The following TMTC3 variants were observed in gnomAD, a reference collection of about 807,000 sequenced individuals.
The protein encoded by TMTC3 is transmembrane O-mannosyltransferase targeting cadherins 3.
A neutral mutation model predicts 92.2 loss-of-function variants in TMTC3; 52 were observed. That is an observed-to-expected ratio of 0.56 (90% CI 0.45 to 0.71). TMTC3 has a LOEUF of 0.71. Among genes scored for constraint, TMTC3 ranks in the 30% least tolerant of loss-of-function variants. The probability of loss-of-function intolerance (pLI) is 0.00; values close to 1 mark genes in which losing one functional copy is unlikely to be tolerated. For missense variants in TMTC3, 896 were observed against 1,057.1 expected, an observed-to-expected ratio of 0.85 and a Z score of 2.11; for synonymous variants, 339 against 363.3, an observed-to-expected ratio of 0.93 and a Z score of 0.76.
intron 10 of TMTC3, among the ~76,000 whole-genome samples, chr12:88,186,997 T>C (rs901100185): frequency 3.3e-5 from 5 of 152,088 alleles, no homozygotes; most frequent in African/African-American, 4.8e-5. Flanking sequence ...TGGTTGGGGA[T>C]AATTTCAATA....
chr12:88,184,955 A>C (rs2041359803), intron 10 of TMTC3, among the ~76,000 whole-genome samples: 1 of 152,218 alleles, frequency 6.6e-6, no homozygotes, highest in African/African-American at 2.4e-5. Flanking sequence ...ACTCTGGTGT[A>C]ATTTTAAGTA....
At position 88,196,345 on chromosome 12, in the gene TMTC3, TTTG is replaced by T. The variant is rs1412023588; in HGVS notation, c.*702_*704del. On this transcript the variant is annotated 3_prime_UTR_variant, in exon 14 of 14. Transcript: ENST00000266712. ...AATGGTGCTCATATATACTGTATTT[TTTG>T]TTGTTTAGTTTTACTTATTGAGAGT... The T allele has an allele frequency of 3.3e-5, 5 of 152,440 alleles. No individual in the cohort carries two copies. The highest frequency in any genetic ancestry group is 1.2e-4 in the African/African-American group (5 of 41,450). The allele number at this position is 152,440 out of a possible 1,614,324, so 9.4% of individuals were successfully genotyped here. A position where few individuals can be genotyped will look rare whatever the true frequency, so the allele number is the denominator to read the frequency against.
intron 9 of TMTC3, among the ~76,000 whole-genome samples, chr12:88,175,001 C>T (rs1362977624): frequency 6.6e-6 from 1 of 152,016 alleles, no homozygotes; most frequent in Non-Finnish European, 1.5e-5. Context: ...AATCAGAATA[C>T]TATATTTCAT....
rs1435661499 is a variant in TMTC3 at position 88,174,586 on chromosome 12, TGC to T, written c.1200-20_1200-19del. 2 of 1,589,922 alleles carry T rather than the reference TGC, an allele frequency of 1.3e-6. No individual in the cohort carries two copies. Among genetic ancestry groups the T allele is most frequent in the South Asian group, 2.3e-5 (2 of 86,892 alleles). ...GTGATGAAGACAATTTTTTTTGTTT[TGC>T]TTTTTTTCTCTTAAACAGTGTATTT... On this transcript the variant is annotated intron_variant, in intron 8 of 13. Transcript: ENST00000266712.
intron 4 of TMTC3, among the ~76,000 whole-genome samples, chr12:88,158,802 A>G (rs1313525793): frequency 1.3e-5 from 2 of 152,182 alleles, no homozygotes. Flanking sequence ...CTGTAATCCC[A>G]GCACTTTGGG....
At chr12:88,183,593 C>T (rs1391623944) in intron 10 of TMTC3, among the ~76,000 whole-genome samples, 1 of 152,088 alleles carries the variant, frequency 6.6e-6, no homozygotes, top group Non-Finnish European at 1.5e-5. Context: ...GACGGTTTCT[C>T]CTCCCTTCCC....
rs1389065942 is a variant in TMTC3 at position 88,166,472 on chromosome 12, T to G, written c.940T>G (p.Ser314Ala). ...CATGGGAACAATACCACTTATAGAG[T>G]CATTACTAGATATTCGAAATCTGGC... The part of the protein sequence containing the change: ...WTMGTIPLIE[S>A]LLDIRNLATF... The change falls in exon 7 of 14, where the codon TCA (serine) becomes GCA (alanine). Residue 314 changes from serine (S) to alanine (A), a missense_variant. By Grantham distance (99) the Ser-to-Ala change is moderately conservative. Transcript: ENST00000266712. 1 of 1,613,912 alleles carries G rather than the reference T, an allele frequency of 6.2e-7. No homozygotes were observed. Among genetic ancestry groups the G allele is most frequent in the East Asian group, 2.2e-5 (1 of 44,838 alleles).
At chr12:88,175,638 C>G (rs2041251318) in intron 9 of TMTC3, among the ~76,000 whole-genome samples, 1 of 152,074 alleles carries the variant, frequency 6.6e-6, no homozygotes, top group African/African-American at 2.4e-5. Context: ...CCATAATTTT[C>G]CAGAATTTTG....
In TMTC3 at chr12:88,159,428, T is replaced by C. The variant is rs573401166; in HGVS notation, c.509-686T>C. 4.6e-5 allele frequency among the ~76,000 whole-genome samples: 7 copies of C among 152,162 alleles called. No individual in the cohort carries two copies. The South Asian group carries it at 1.5e-3, about 32-fold the overall frequency. On this transcript the variant is annotated intron_variant, in intron 4 of 13. Coordinates refer to ENST00000266712, the MANE Select transcript of TMTC3 (RefSeq NM_181783.4). ...ATGGCTCGTGCCTGGAATCCCAGCATGGTGGGAGGATGGCTTGAGGCCAAG... is the reference window on the plus strand; with the variant it reads ...ATGGCTCGTGCCTGGAATCCCAGCACGGTGGGAGGATGGCTTGAGGCCAAG...
At position 88,197,057 on chromosome 12, in the gene TMTC3, C is replaced by T. The variant is rs2138454088; in HGVS notation, c.*1408C>T. The T allele has an allele frequency of 6.6e-6, 1 of 151,922 alleles. No homozygotes were observed. The highest frequency in any genetic ancestry group is 2.4e-5 in the African/African-American group (1 of 41,410). 9.4% of individuals were successfully genotyped at this position (151,922 alleles called of 1,614,324 possible). ...AAAATATGAAAGCTCTGGCTATCAT[C>T]CTGGGATAGTAATTTCTAATTATAT... On this transcript the variant is annotated 3_prime_UTR_variant, in exon 14 of 14. Coordinates refer to ENST00000266712, the MANE Select transcript of TMTC3 (RefSeq NM_181783.4).
intron 7 of TMTC3, among the ~76,000 whole-genome samples, chr12:88,167,114 G>T (rs2041153296): frequency 6.6e-6 from 1 of 151,852 alleles, no homozygotes; most frequent in Non-Finnish European, 1.5e-5. Flanking sequence ...TTGAAGACAG[G>T]CTGGGTGCGT....
intron 1 of TMTC3, among the ~76,000 whole-genome samples, chr12:88,144,637 A>T (rs1324103883): frequency 6.6e-6 from 1 of 152,168 alleles, no homozygotes; most frequent in African/African-American, 2.4e-5. Flanking sequence ...GATCTCAGTG[A>T]CAATTGTAAC....
At chr12:88,180,178 C>T (rs556775487) in intron 10 of TMTC3, among the ~76,000 whole-genome samples, 13 of 152,242 alleles carry the variant, frequency 8.5e-5, no homozygotes, top group South Asian at 2.1e-4. Context: ...ACTCGTATTC[C>T]GGCTTTGCAT....
chr12:88,162,416 T>C (rs1402798651), intron 6 of TMTC3, among the ~76,000 whole-genome samples: 1 of 152,316 alleles, frequency 6.6e-6, no homozygotes, highest in South Asian at 2.1e-4. Flanking sequence ...TTTTCCTATT[T>C]TTCTTGTATG....
chr12:88,145,486 C>G (rs924772692), intron 1 of TMTC3, among the ~76,000 whole-genome samples: 1 of 152,136 alleles, frequency 6.6e-6, no homozygotes, highest in Non-Finnish European at 1.5e-5. Flanking sequence ...TAAGACGGGT[C>G]TCAATCAATT....
chr12:88,174,421 T>A (rs2041237278), intron 8 of TMTC3, among the ~76,000 whole-genome samples, 186 bp from the exon 9 acceptor site: 1 of 152,126 alleles, frequency 6.6e-6, no homozygotes, highest in Non-Finnish European at 1.5e-5. Flanking sequence ...GAAGGTCATA[T>A]TCACAGTATT....
intron 4 of TMTC3, among the ~76,000 whole-genome samples, chr12:88,154,638 C>G (rs1239176080): frequency 6.6e-6 from 1 of 152,036 alleles, no homozygotes; most frequent in East Asian, 1.9e-4. Context: ...AACCAAATAA[C>G]CTTAGAATAG....
intron 10 of TMTC3, among the ~76,000 whole-genome samples, chr12:88,178,564 ATATT>A (rs1387480230): frequency 6.6e-6 from 1 of 152,136 alleles, no homozygotes; most frequent in Non-Finnish European, 1.5e-5. Flanking sequence ...TTTATTTAAA[ATATT>A]TATTTATTTA....
chr12:88,165,114 G>A lies in TMTC3; in HGVS notation c.798-1216G>A, dbSNP rs149490929. ...TTTATAGGTGTGAATTTATGTATGTGTTAGTAGGTATGAATATGGTGCTTA... is the reference window on the plus strand; with the variant it reads ...TTTATAGGTGTGAATTTATGTATGTATTAGTAGGTATGAATATGGTGCTTA... On this transcript the variant is annotated intron_variant, in intron 6 of 13. Transcript: ENST00000266712. Among the ~76,000 whole-genome samples the A allele has an allele frequency of 3.3e-3, 507 of 152,124 alleles. 1 individual carries two copies. Among genetic ancestry groups the A allele is most frequent in the African/African-American group, 0.012 (492 of 41,546 alleles).
Sources: allele counts gnomAD v4.1 joint callset (sites outside exome capture counted in the v4.1 genomes callset), GRCh38; gene constraint gnomAD v4.1.1; transcripts MANE v1.5; gene names NCBI Gene and HGNC (gene_info 2026-07-23, HGNC 2026-07-21).